The following GBGT1 variants were observed in gnomAD, a reference collection of about 807,000 sequenced individuals.
GBGT1 encodes globoside alpha-1,3-N-acetylgalactosaminyltransferase 1 (FORS blood group), also known as globoside alpha-1,3-N-acetylgalactosaminyltransferase 1.
A neutral mutation model predicts 20.9 loss-of-function variants in GBGT1; 18 were observed. That is an observed-to-expected ratio of 0.86 (90% CI 0.60 to 1.28). GBGT1 has a LOEUF of 1.28. Ranked by LOEUF, GBGT1 falls within the 50% of genes most tolerant of loss-of-function variation. The pLI is 0.00. For synonymous variants in GBGT1, 168 were observed against 180.8 expected (o/e 0.93, Z 0.57); for missense variants, 432 against 455.7 (o/e 0.95, Z 0.47).
chr9:133,159,816 C>T (rs945227952), intron 3 of GBGT1, among the ~76,000 whole-genome samples: 1 of 151,070 alleles, frequency 6.6e-6, no homozygotes, highest in Admixed American at 6.6e-5. Flanking sequence ...CGCACACACA[C>T]AAGATAGACA....
rs369881981 is a variant in GBGT1, at chr9:133,153,679, C to G, written c.942G>C (p.Leu314=). 6.2e-7 allele frequency: 1 copy of G among 1,613,474 alleles called. No individual in the cohort carries two copies. Among genetic ancestry groups the G allele is most frequent in the African/African-American group, 1.3e-5 (1 of 74,928 alleles). Residue 314 remains leucine, a synonymous_variant, in exon 7 of 7, where the codon CTG becomes CTC. Transcript: ENST00000372040. ...TGTCGTCCCAGAGGTACTCGGGGGA[C>G]AGCACCTTGGACGGCTTGTTTGAGA... ...HFISNKPSKV[L]SPEYLWDDRK... is the part of the protein sequence containing the mutation.
chr9:133,153,586 C>T lies in GBGT1; in HGVS notation c.1035G>A (p.Leu345=). The T allele has an allele frequency of 6.5e-7, 1 of 1,533,580 alleles. No individual in the cohort carries two copies. The highest frequency in any genetic ancestry group is 8.8e-7 in the Non-Finnish European group (1 of 1,139,202). 95.0% of individuals were successfully genotyped at this position (1,533,580 alleles called of 1,614,324 possible). The change falls in exon 7 of 7, where the codon CTG becomes CTA. Residue 345 remains leucine, a synonymous_variant. Transcript: ENST00000372040. The part of the protein sequence containing the change: ...FSTLDKDISC[L]RS ...ACCCCCAGCTCCGTGGTCAGCTCCT[C>T]AGGCAGCTGATATCCTTGTCCAGTG...
intron 3 of GBGT1, 36 bp from the exon 4 acceptor site, chr9:133,156,101 G>C: frequency 6.2e-7 from 1 of 1,611,508 alleles, no homozygotes; most frequent in Non-Finnish European, 8.5e-7. Flanking sequence ...ATCATCATGG[G>C]TCTGGGGACA....
intron 3 of GBGT1, among the ~76,000 whole-genome samples, chr9:133,158,005 C>G (rs1053952070): frequency 6.6e-6 from 1 of 151,976 alleles, no homozygotes; most frequent in Admixed American, 6.6e-5. Context: ...ATTAGCTGGG[C>G]GTGGTGGTGG....
At chr9:133,158,404 G>A (rs1456908260) in intron 3 of GBGT1, among the ~76,000 whole-genome samples, 2 of 152,088 alleles carry the variant, frequency 1.3e-5, no homozygotes, top group Non-Finnish European at 2.9e-5. Context: ...CCAGCACCCT[G>A]AGGAGCTGAG....
intron 6 of GBGT1, 21 bp downstream of exon 6, chr9:133,155,157 C>T: frequency 6.2e-7 from 1 of 1,610,326 alleles, no homozygotes; most frequent in Non-Finnish European, 8.5e-7. Flanking sequence ...CCTCCCTCCC[C>T]TTCCCCAGCC....
In GBGT1 at chr9:133,161,497, A is replaced by T; in HGVS notation, c.107T>A (p.Val36Asp). The T allele has an allele frequency of 6.2e-7, 1 of 1,611,564 alleles. No homozygotes were observed. The highest frequency in any genetic ancestry group is 1.1e-5 in the South Asian group (1 of 90,620). ...YLENWLPVSY[V>D]PYYLPCPEIF... ...CTCTGGGCAGGGGAGATAATAGGGG[A>T]CATAGGAGACTGGCAGCCAGTTCTC... Residue 36 changes from valine (V) to aspartate (D), a missense_variant, in exon 3 of 7, where the codon GTC becomes GAC. Physicochemically the swap from Val to Asp is radical, Grantham distance 152. Coordinates refer to ENST00000372040, the MANE Select transcript of GBGT1 (RefSeq NM_021996.6).
Position 133,154,282 on chromosome 9 carries a change from ACC to A in GBGT1, c.360-23_360-22del. 1 of 1,438,664 alleles carries A rather than the reference ACC, an allele frequency of 7.0e-7. No homozygotes were observed. Among genetic ancestry groups the A allele is most frequent in the Non-Finnish European group, 9.4e-7 (1 of 1,066,944 alleles). 89.1% of individuals were successfully genotyped at this position (1,438,664 alleles called of 1,614,324 possible). A position where few individuals can be genotyped will look rare whatever the true frequency, so the allele number is the denominator to read the frequency against. On this transcript the variant is annotated intron_variant, in intron 6 of 6. Transcript: ENST00000372040. The surrounding 1 kb of genome is among the most constrained non-coding windows in gnomAD (Gnocchi z 4.2). ...TGTACCTAGTGATGATCACCCGGTC[ACC>A]CACTGCTACACCAGCAGCCTGCCAG...
In GBGT1 at chr9:133,155,979, TC is replaced by T. The variant is rs772554707; in HGVS notation, c.188+35del. The T allele has an allele frequency of 1.5e-5, 24 of 1,613,534 alleles. No homozygotes were observed. The South Asian group carries it at 2.5e-4, about 17-fold the overall frequency. On this transcript the variant is annotated intron_variant, in intron 4 of 6. Transcript: ENST00000372040. ...CAGTGATGGAGGAGAGCCACCACCC[TC>T]ACGGCCACAAAAGAGGAAATGCCAG... is the stretch of plus-strand genomic sequence containing the variant.
intron 6 of GBGT1, 164 bp downstream of exon 6, chr9:133,155,014 C>A: frequency 1.7e-6 from 1 of 605,816 alleles, no homozygotes; most frequent in Non-Finnish European, 2.9e-6. Context: ...GCTCCCATCC[C>A]ACTATCACAC....
Position 133,161,540 on chromosome 9 carries a change from T to TAA in GBGT1, c.72-10_72-9dup. 7 of 1,591,726 alleles carry TAA rather than the reference T, an allele frequency of 4.4e-6. No homozygotes were observed. The Admixed American group carries it at 5.2e-5, about 12-fold the overall frequency. On this transcript the variant is annotated splice_polypyrimidine_tract_variant and intron_variant, in intron 2 of 6. Coordinates refer to ENST00000372040, the MANE Select transcript of GBGT1 (RefSeq NM_021996.6). The stretch of plus-strand genomic sequence containing the variant: ...CAGTTCTCAAGATACACCCTGTGAA[T>TAA]AAAAAAAAGAAAAAAAATCTGTTGA...
intron 6 of GBGT1, 85 bp downstream of exon 6, chr9:133,155,093 G>A: frequency 7.8e-7 from 1 of 1,278,124 alleles, no homozygotes; most frequent in South Asian, 1.3e-5. Flanking sequence ...AGGGTCCTGT[G>A]TGCACGTCTG....
chr9:133,155,022 C>T lies in GBGT1; in HGVS notation c.359+156G>A, dbSNP rs567551370. On this transcript the variant is annotated intron_variant, in intron 6 of 6. Coordinates refer to ENST00000372040, the MANE Select transcript of GBGT1 (RefSeq NM_021996.6). Reference sequence around the variant, plus strand: ...CCAGGAAGCTCCCATCCCACTATCACACCCTACACTGTACTTTCTATCTGC... The same window carrying T: ...CCAGGAAGCTCCCATCCCACTATCATACCCTACACTGTACTTTCTATCTGC... 99 of 636,476 alleles carry T rather than the reference C, an allele frequency of 1.6e-4. 1 individual carries two copies. The South Asian group carries it at 1.8e-3, about 12-fold the overall frequency. The allele number at this position is 636,476 out of a possible 1,614,324, so 39.4% of individuals were successfully genotyped here. A position where few individuals can be genotyped will look rare whatever the true frequency, so the allele number is the denominator to read the frequency against.
At position 133,153,244 on chromosome 9, in the gene GBGT1, G is replaced by A. The variant is rs1363065259; in HGVS notation, c.*333C>T. On this transcript the variant is annotated 3_prime_UTR_variant, in exon 7 of 7. Transcript: ENST00000372040. The stretch of plus-strand genomic sequence containing the variant: ...AATATGCAATAAACGGGGGACTGGC[G>A]CGGCAGGGTTCAGGCACTCTGAGTC... 6 of 246,738 alleles carry A rather than the reference G, an allele frequency of 2.4e-5. No homozygotes were observed. The highest frequency in any genetic ancestry group is 1.1e-4 in the Admixed American group (2 of 18,392). 15.3% of individuals were successfully genotyped at this position (246,738 alleles called of 1,614,324 possible).
At chr9:133,159,742 A>T (rs1367297329) in intron 3 of GBGT1, among the ~76,000 whole-genome samples, 1 of 152,068 alleles carries the variant, frequency 6.6e-6, no homozygotes, top group Non-Finnish European at 1.5e-5. Flanking sequence ...GGCTGTAGTG[A>T]GCTGTGATCG....
chr9:133,153,895 C>G lies in GBGT1; in HGVS notation c.726G>C (p.Glu242Asp). The change falls in exon 7 of 7, where the codon GAG (glutamate) becomes GAC (aspartate). Residue 242 changes from glutamate to aspartate, a missense_variant. Transcript: ENST00000372040. ...YAVPRQQFPY[E>D]RRRVSTAFVA... Reference sequence around the variant, plus strand: ...CAAAGGCAGTGGAAACACGCCTGCGCTCATAGGGGAACTGCTGGCGGGGAA... The same window carrying G: ...CAAAGGCAGTGGAAACACGCCTGCGGTCATAGGGGAACTGCTGGCGGGGAA... 1.2e-6 allele frequency: 2 copies of G among 1,605,194 alleles called. No homozygotes were observed. The highest frequency in any genetic ancestry group is 8.5e-7 in the Non-Finnish European group (1 of 1,173,008).
intron 5 of GBGT1, 139 bp from the exon 6 acceptor site, chr9:133,155,451 G>A: frequency 1.0e-6 from 1 of 982,950 alleles, no homozygotes; most frequent in Non-Finnish European, 1.5e-6. Context: ...TATGGAAAGT[G>A]GGGATAATGA....
At chr9:133,160,220 A>C (rs968458044) in intron 3 of GBGT1, 10 of 310,288 alleles carry the variant, frequency 3.2e-5, no homozygotes, top group Middle Eastern at 1.0e-3. Context: ...TGGAGGTTGC[A>C]ATGAGCTGAG....
At chr9:133,161,195 A>G (rs752790944) in intron 3 of GBGT1, 59 of 431,576 alleles carry the variant, frequency 1.4e-4, no homozygotes, top group Non-Finnish European at 2.0e-4. Context: ...CTGTGTTCTC[A>G]GTGGCCAGAC....
Sources: allele counts gnomAD v4.1 joint callset (sites outside exome capture counted in the v4.1 genomes callset), GRCh38; gene constraint gnomAD v4.1.1; non-coding constraint Gnocchi (gnomAD v3.1); transcripts MANE v1.5; gene names NCBI Gene and HGNC (gene_info 2026-07-23, HGNC 2026-07-21).